Variants in SPSB4 observed in about 807,000 individuals in gnomAD.
SPSB4 encodes the protein splA/ryanodine receptor domain and SOCS box containing 4.
In SPSB4, 21 loss-of-function variants were observed where a neutral mutation model predicts 20.9. The ratio of observed to expected loss-of-function variants is 1.01; its 90% confidence interval spans 0.71 to 1.45. The LOEUF is 1.45. Among genes scored for constraint, SPSB4 ranks in the 40% most tolerant of loss-of-function variants. The probability of loss-of-function intolerance (pLI) is 0.00; values close to 1 mark genes in which losing one functional copy is unlikely to be tolerated. For synonymous variants in SPSB4, 207 were observed against 183.8 expected, an observed-to-expected ratio of 1.13 and a Z score of -1.02; for missense variants, 399 against 399.2, an observed-to-expected ratio of 1.00 and a Z score of 0.00.
intron 2 of SPSB4, among the ~76,000 whole-genome samples, chr3:141,082,746 G>T (rs576149002): frequency 6.6e-6 from 1 of 152,118 alleles, no homozygotes; most frequent in Non-Finnish European, 1.5e-5. Context: ...GGCTGTGAAC[G>T]GCTGAAAGGT....
chr3:141,061,782 C>G (rs1265683291), intron 1 of SPSB4, among the ~76,000 whole-genome samples: 1 of 134,926 alleles, frequency 7.4e-6, no homozygotes, highest in African/African-American at 2.8e-5. Flanking sequence ...GTCACCCAAG[C>G]TGGAGTGCAG....
intron 2 of SPSB4, among the ~76,000 whole-genome samples, chr3:141,129,611 C>A (rs962792491): frequency 6.6e-6 from 1 of 152,202 alleles, no homozygotes. Context: ...ATGAGCGAAT[C>A]TTCTGTCATT....
chr3:141,057,889 T>C (rs777580410), intron 1 of SPSB4, among the ~76,000 whole-genome samples: 16 of 152,232 alleles, frequency 1.1e-4, no homozygotes, highest in African/African-American at 1.7e-4. Context: ...ACAGTCTTTG[T>C]CATTATTCAG....
intron 2 of SPSB4, among the ~76,000 whole-genome samples, chr3:141,140,905 T>G (rs562662058): frequency 1.3e-4 from 20 of 152,370 alleles, no homozygotes; most frequent in Non-Finnish European, 2.8e-4. Flanking sequence ...TGTCTTTTGT[T>G]TGTCTGTGCC....
At chr3:141,105,321 C>T (rs560069854) in intron 2 of SPSB4, among the ~76,000 whole-genome samples, 10 of 152,146 alleles carry the variant, frequency 6.6e-5, no homozygotes, top group Non-Finnish European at 1.5e-5. Context: ...TGCGCTGATT[C>T]CTGGCCTCCC....
chr3:141,147,744 A>G lies in SPSB4; in HGVS notation c.*475A>G, dbSNP rs907574402. ...CCTGACGCCGTGCCCCTCCTGGCCC[A>G]TACGCCTTGCCAGGGCGGCAGGATT... On this transcript the variant is annotated 3_prime_UTR_variant, in exon 3 of 3. Coordinates refer to ENST00000310546, the MANE Select transcript of SPSB4 (RefSeq NM_080862.3). The G allele has an allele frequency of 6.1e-6, 1 of 165,262 alleles. No homozygotes were observed. Among genetic ancestry groups the G allele is most frequent in the Admixed American group, 5.6e-5 (1 of 17,870 alleles). 10.2% of individuals were successfully genotyped at this position (165,262 alleles called of 1,614,324 possible).
At position 141,065,984 on chromosome 3, in the gene SPSB4, C is replaced by A; in HGVS notation, c.-121C>A. 1 of 892,984 alleles carries A rather than the reference C, an allele frequency of 1.1e-6. No individual in the cohort carries two copies. The highest frequency in any genetic ancestry group is 1.6e-6 in the Non-Finnish European group (1 of 627,858). The allele number at this position is 892,984 out of a possible 1,614,324, so 55.3% of individuals were successfully genotyped here. The stretch of plus-strand genomic sequence containing the variant: ...GGCCCCTGCCGCAGCCCGGTAGAGG[C>A]TGTGGAGGTCTACCGTCCGGAAGCC... On this transcript the variant is annotated 5_prime_UTR_variant, in exon 2 of 3. The change creates a new upstream start codon in the 5' untranslated region. Coordinates refer to ENST00000310546, the MANE Select transcript of SPSB4 (RefSeq NM_080862.3).
chr3:141,122,399 C>G (rs1440746788), intron 2 of SPSB4, among the ~76,000 whole-genome samples: 2 of 152,194 alleles, frequency 1.3e-5, no homozygotes, highest in Non-Finnish European at 2.9e-5. Context: ...AGGAGGCAGT[C>G]TGTTCATTCT....
intron 2 of SPSB4, among the ~76,000 whole-genome samples, chr3:141,082,618 G>GCTATCTATCTAT (rs57148827): frequency 0.017 from 2,517 of 146,368 alleles, 30 homozygotes; most frequent in African/African-American, 0.026. Flanking sequence ...CAACCCAGGT[G>GCTATCTATCTAT]CTATCTATCT....
chr3:141,066,315 G>T lies in SPSB4; in HGVS notation c.211G>T (p.Asp71Tyr). Residue 71 changes from aspartate to tyrosine, a missense_variant, in exon 2 of 3, where the codon GAC becomes TAC. Coordinates refer to ENST00000310546, the MANE Select transcript of SPSB4 (RefSeq NM_080862.3). Reference protein sequence around the residue: ...RSLNVFVKDDDRLTFHRHPVA... With the variant: ...RSLNVFVKDDYRLTFHRHPVA... ...GCTCAACGTCTTCGTCAAGGACGACGACCGGCTCACCTTCCACCGGCACCC... is the reference window on the plus strand; with the variant it reads ...GCTCAACGTCTTCGTCAAGGACGACTACCGGCTCACCTTCCACCGGCACCC... 1 of 1,573,274 alleles carries T rather than the reference G, an allele frequency of 6.4e-7. No homozygotes were observed. The highest frequency in any genetic ancestry group is 1.2e-5 in the South Asian group (1 of 85,628).
intron 2 of SPSB4, among the ~76,000 whole-genome samples, chr3:141,074,270 C>T (rs1014422255): frequency 5.3e-5 from 8 of 152,026 alleles, no homozygotes; most frequent in East Asian, 1.9e-4. Context: ...TACTTTGCTA[C>T]GAGGTGTCAG....
chr3:141,147,340 C>G lies in SPSB4; in HGVS notation c.*71C>G. Reference sequence around the variant, plus strand: ...CCGACCCTCCTGTCATTCACAGTCCCATGGCACATAGGGGAAAGGATCTAC... The same window carrying G: ...CCGACCCTCCTGTCATTCACAGTCCGATGGCACATAGGGGAAAGGATCTAC... On this transcript the variant is annotated 3_prime_UTR_variant, in exon 3 of 3. Transcript: ENST00000310546. The G allele has an allele frequency of 6.3e-7, 1 of 1,597,700 alleles. No homozygotes were observed. The highest frequency in any genetic ancestry group is 1.1e-5 in the South Asian group (1 of 89,782).
intron 2 of SPSB4, among the ~76,000 whole-genome samples, chr3:141,146,483 T>C (rs1446935260): frequency 2.0e-5 from 3 of 151,970 alleles, no homozygotes; most frequent in African/African-American, 7.2e-5. Context: ...CTTTTCACAT[T>C]AAGACACACC....
intron 2 of SPSB4, among the ~76,000 whole-genome samples, chr3:141,082,273 G>T (rs1938246895): frequency 6.6e-6 from 1 of 152,346 alleles, no homozygotes; most frequent in African/African-American, 2.4e-5. Context: ...GTCTCCCAGG[G>T]AGTGCGCCTG....
At position 141,116,909 on chromosome 3, in the gene SPSB4, G is replaced by A. The variant is rs1324024210; in HGVS notation, c.695-30233G>A. 3.3e-5 allele frequency among the ~76,000 whole-genome samples: 5 copies of A among 152,224 alleles called. 1 individual carries two copies. Among genetic ancestry groups the A allele is most frequent in the Non-Finnish European group, 7.3e-5 (5 of 68,034 alleles). On this transcript the variant is annotated intron_variant, in intron 2 of 2. Coordinates refer to ENST00000310546, the MANE Select transcript of SPSB4 (RefSeq NM_080862.3). ...AAGATTGGAAAGAGGATCCTGAAGA[G>A]TGGAGCAGGCTGATGGGTGTGGCAG...
intron 2 of SPSB4, among the ~76,000 whole-genome samples, chr3:141,068,495 G>A (rs879771461): frequency 8.5e-5 from 13 of 152,160 alleles, no homozygotes; most frequent in Non-Finnish European, 1.8e-4. Flanking sequence ...TTAATCACTG[G>A]ACTAGAAGAG....
intron 2 of SPSB4, among the ~76,000 whole-genome samples, chr3:141,139,281 C>G (rs1325123568): frequency 6.6e-6 from 1 of 152,076 alleles, no homozygotes; most frequent in Non-Finnish European, 1.5e-5. Context: ...GGTCTTGACT[C>G]TTTATCCAAT....
chr3:141,100,824 G>A (rs1303606121), intron 2 of SPSB4, among the ~76,000 whole-genome samples: 1 of 152,096 alleles, frequency 6.6e-6, no homozygotes, highest in Non-Finnish European at 1.5e-5. Context: ...GGTAGCCCTC[G>A]GTATGGGCAG....
At chr3:141,120,870 G>T (rs1289705158) in intron 2 of SPSB4, among the ~76,000 whole-genome samples, 4 of 152,204 alleles carry the variant, frequency 2.6e-5, no homozygotes, top group Non-Finnish European at 5.9e-5. Context: ...TATCCAATTT[G>T]CCAGTCTGTG....
Sources: gnomAD v4.1 joint callset for allele counts (sites outside exome capture counted in the v4.1 genomes callset) on GRCh38, gnomAD v4.1.1 for gene constraint, MANE v1.5 for transcripts, NCBI Gene and HGNC (gene_info 2026-07-23, HGNC 2026-07-21) for gene names.